Variants in POFUT3 observed in about 807,000 individuals in gnomAD.
The protein encoded by POFUT3 is protein O-fucosyltransferase 3.
At chr8:33,377,289 C>G in the POFUT3 span, among the ~76,000 whole-genome samples, 1 of 150,978 alleles carries the variant, frequency 6.6e-6, no homozygotes, top group Non-Finnish European at 1.5e-5. Context: ...TACAAAGAAC[C>G]AAATGTTCTG....
chr8:33,449,442 A>G, the POFUT3 span, among the ~76,000 whole-genome samples: 2 of 151,834 alleles, frequency 1.3e-5, no homozygotes, highest in African/African-American at 4.8e-5. Flanking sequence ...GGCACCCATG[A>G]CCATACCTGG....
chr8:33,319,468 AT>A, the POFUT3 span, among the ~76,000 whole-genome samples: 5 of 42,812 alleles, frequency 1.2e-4, no homozygotes, highest in Non-Finnish European at 1.4e-4. Flanking sequence ...AAATGTATAT[AT>A]TTTATATATT....
chr8:33,429,203 G>A, the POFUT3 span, among the ~76,000 whole-genome samples: 1 of 152,142 alleles, frequency 6.6e-6, no homozygotes, highest in Non-Finnish European at 1.5e-5. Context: ...GATCTAACAT[G>A]TGGTGGAGAT....
the POFUT3 span, among the ~76,000 whole-genome samples, chr8:33,418,804 T>C: frequency 3.3e-5 from 5 of 152,298 alleles, 1 homozygote; most frequent in South Asian, 8.3e-4. Flanking sequence ...CTATTCATAA[T>C]AGCCAAGATA....
At chr8:33,334,879 G>T in the POFUT3 span, among the ~76,000 whole-genome samples, 2 of 152,160 alleles carry the variant, frequency 1.3e-5, no homozygotes, top group African/African-American at 2.4e-5. Context: ...GAGGCATAAG[G>T]TGAGACGCCT....
the POFUT3 span, among the ~76,000 whole-genome samples, chr8:33,324,486 C>T: frequency 5.3e-5 from 8 of 152,040 alleles, no homozygotes; most frequent in African/African-American, 1.9e-4. Context: ...ATTGAGACTC[C>T]AAAACCCTAC....
At chr8:33,384,070 A>G in the POFUT3 span, among the ~76,000 whole-genome samples, 1 of 152,144 alleles carries the variant, frequency 6.6e-6, no homozygotes. Flanking sequence ...ACATGGCTCC[A>G]ATCAGTATCT....
At chr8:33,347,777 C>A in the POFUT3 span, among the ~76,000 whole-genome samples, 31,903 of 152,142 alleles carry the variant, frequency 0.21, 3,897 homozygotes, top group South Asian at 0.51. Flanking sequence ...CAATGTAATA[C>A]ATTCTTTTAC....
the POFUT3 span, among the ~76,000 whole-genome samples, chr8:33,358,087 T>A: frequency 6.6e-6 from 1 of 151,834 alleles, no homozygotes; most frequent in Non-Finnish European, 1.5e-5. Flanking sequence ...TCTCTCTATA[T>A]AAAAAATACA....
chr8:33,325,089 C>T, the POFUT3 span, among the ~76,000 whole-genome samples: 6 of 152,268 alleles, frequency 3.9e-5, no homozygotes, highest in African/African-American at 1.2e-4. Flanking sequence ...AATCCACTCT[C>T]CTTAAAGCTA....
the POFUT3 span, among the ~76,000 whole-genome samples, chr8:33,390,077 T>C: frequency 2.6e-5 from 4 of 152,114 alleles, no homozygotes; most frequent in African/African-American, 9.7e-5. Flanking sequence ...TTGCCTGTAA[T>C]CCCAGCTACC....
the POFUT3 span, among the ~76,000 whole-genome samples, chr8:33,339,296 G>A: frequency 1.3e-5 from 2 of 152,138 alleles, no homozygotes; most frequent in African/African-American, 4.8e-5. Flanking sequence ...AGTATAAAAA[G>A]CTCATTGAGT....
At chr8:33,386,244 T>C in the POFUT3 span, among the ~76,000 whole-genome samples, 2 of 148,818 alleles carry the variant, frequency 1.3e-5, no homozygotes, top group Non-Finnish European at 3.0e-5. Context: ...TTTACTTTCA[T>C]AGAATGTTTT....
chr8:33,365,589 G>A, the POFUT3 span, among the ~76,000 whole-genome samples: 4 of 152,236 alleles, frequency 2.6e-5, no homozygotes, highest in East Asian at 7.7e-4. Flanking sequence ...TCAAAAAGTG[G>A]ACAAAGGATA....
the POFUT3 span, among the ~76,000 whole-genome samples, chr8:33,390,668 A>G: frequency 6.6e-6 from 1 of 152,176 alleles, no homozygotes; most frequent in Non-Finnish European, 1.5e-5. Flanking sequence ...ATCTTAGTCA[A>G]AATGGTAGAC....
chr8:33,472,753 G>A, the POFUT3 span, among the ~76,000 whole-genome samples: 44 of 152,172 alleles, frequency 2.9e-4, no homozygotes, highest in African/African-American at 9.9e-4. Context: ...CTCCTTCTCC[G>A]GGCTCCAGCA....
At chr8:33,331,190 A>G in the POFUT3 span, among the ~76,000 whole-genome samples, 1 of 127,324 alleles carries the variant, frequency 7.9e-6, no homozygotes, top group African/African-American at 3.2e-5. Flanking sequence ...AAAATACAAA[A>G]AATTAACCGG....
chr8:33,427,518 G>A, the POFUT3 span, among the ~76,000 whole-genome samples: 1 of 152,160 alleles, frequency 6.6e-6, no homozygotes, highest in East Asian at 1.9e-4. Flanking sequence ...GGCAGAGGTT[G>A]CGGTGAGCCA....
At chr8:33,382,160 G>C in the POFUT3 span, among the ~76,000 whole-genome samples, 40 of 152,108 alleles carry the variant, frequency 2.6e-4, no homozygotes, top group South Asian at 8.3e-4. Flanking sequence ...AGGCATGGTG[G>C]CTGCGCCTAC....
Sources: allele counts gnomAD v4.1 joint callset (sites outside exome capture counted in the v4.1 genomes callset), GRCh38; gene constraint gnomAD v4.1.1; transcripts MANE v1.5; gene names NCBI Gene and HGNC (gene_info 2026-07-23, HGNC 2026-07-21).